ANKRD28: variants seen among roughly 807,000 people sequenced by gnomAD.
The protein encoded by ANKRD28 is serine/threonine-protein phosphatase 6 regulatory ankyrin repeat subunit A.
In ANKRD28, 44 loss-of-function variants were observed where a neutral mutation model predicts 126.5. The observed-to-expected ratio is 0.35, with a 90% confidence interval of 0.27 to 0.45. The LOEUF (loss-of-function observed/expected upper bound fraction) is 0.45, where lower values mean the gene tolerates loss of function less well. Ranked by LOEUF, ANKRD28 falls within the 20% of genes least tolerant of loss-of-function variation. The pLI, the probability that ANKRD28 is intolerant of heterozygous loss-of-function variation, is 1.00. For synonymous variants in ANKRD28, 442 were observed against 468.5 expected (o/e 0.94, Z 0.73); for missense variants, 1,110 against 1,316.6 (o/e 0.84, Z 2.43).
rs191800621 is a variant in ANKRD28 at position 15,695,146 on chromosome 3, T to A, written c.1686+42A>T. The A allele has an allele frequency of 1.6e-5, 23 of 1,482,548 alleles. No homozygotes were observed. The African/African-American group carries it at 2.3e-4, about 15-fold the overall frequency. The allele number at this position is 1,482,548 out of a possible 1,614,324, so 91.8% of individuals were successfully genotyped here. ...ATAAACATAACTGGTAGGAGGGAAC[T>A]GACCAATACTAATTGGTGGGAGGGA... is the stretch of plus-strand genomic sequence containing the variant. On this transcript the variant is annotated intron_variant, in intron 16 of 27. Coordinates refer to ENST00000683139, the MANE Select transcript of ANKRD28 (RefSeq NM_001349278.2).
Position 15,833,866 on chromosome 3 carries a change from G to A in ANKRD28, c.27+25511C>T, listed in dbSNP as rs1227795861. Among the ~76,000 whole-genome samples the A allele has an allele frequency of 6.6e-6, 1 of 151,940 alleles. No individual in the cohort carries two copies. The highest frequency in any genetic ancestry group is 1.5e-5 in the Non-Finnish European group (1 of 67,958). The stretch of plus-strand genomic sequence containing the variant: ...CTAATGATGTTGAGGATTTTTTCAT[G>A]TTTTTTGGCCACTTGTATGTCTTCT... On this transcript the variant is annotated intron_variant, in intron 1 of 27. Transcript: ENST00000399451. This position sits in a 1 kb window ranked among gnomAD's most constrained non-coding sequence, Gnocchi z 4.4.
rs1464876239 is a variant in ANKRD28, at chr3:15,819,498, C to T, written c.28-24192G>A. On this transcript the variant is annotated intron_variant, in intron 1 of 27. Transcript: ENST00000399451. Reference sequence around the variant, plus strand: ...ATTTGGAAAATGAGGGTAACTGATACTTGCTTATATAGTCATAAAATCTCT... The same window carrying T: ...ATTTGGAAAATGAGGGTAACTGATATTTGCTTATATAGTCATAAAATCTCT... Among the ~76,000 whole-genome samples the T allele has an allele frequency of 3.3e-5, 5 of 152,228 alleles. No individual in the cohort carries two copies. The South Asian group carries it at 6.2e-4, about 19-fold the overall frequency.
intron 12 of ANKRD28, 58 bp from the exon 13 acceptor site, chr3:15,709,794 G>C (rs1271598815): frequency 8.2e-7 from 1 of 1,213,628 alleles, no homozygotes; most frequent in African/African-American, 1.5e-5. Flanking sequence ...TAATGAAATT[G>C]GTAGGTTTAA....
intron 11 of ANKRD28, among the ~76,000 whole-genome samples, chr3:15,711,692 ATT>A (rs879312791): frequency 1.4e-5 from 2 of 144,978 alleles, no homozygotes; most frequent in Non-Finnish European, 1.5e-5. Context: ...GGTTTTCTGT[ATT>A]TTTTTTTTTT....
intron 8 of ANKRD28, among the ~76,000 whole-genome samples, chr3:15,718,469 C>A (rs909185041): frequency 8.5e-5 from 13 of 152,318 alleles, no homozygotes; most frequent in African/African-American, 3.1e-4. Flanking sequence ...GCATTTTACT[C>A]TAAGTGGGCC....
rs1050546876 is a variant in ANKRD28, at chr3:15,796,927, A to G, written c.-406T>C. The G allele has an allele frequency of 7.1e-6, 7 of 985,682 alleles. No homozygotes were observed. The highest frequency in any genetic ancestry group is 7.2e-6 in the Non-Finnish European group (6 of 830,194). The allele number at this position is 985,682 out of a possible 1,614,324, so 61.1% of individuals were successfully genotyped here. On this transcript the variant is annotated 5_prime_UTR_variant, in exon 1 of 28. Coordinates refer to ENST00000683139, the MANE Select transcript of ANKRD28 (RefSeq NM_001349278.2). ...GTGACACAACACCACACAATATAGA[A>G]TGAAATGAGAAACAACTGCTGTGAC...
intron 2 of ANKRD28, among the ~76,000 whole-genome samples, chr3:15,794,929 T>C (rs1438524133): frequency 6.6e-6 from 1 of 152,110 alleles, no homozygotes; most frequent in African/African-American, 2.4e-5. Context: ...TGTGGCAAAA[T>C]GTTATCAATG....
At chr3:15,765,077 TC>T (rs1430052158) in intron 3 of ANKRD28, among the ~76,000 whole-genome samples, 1 of 152,170 alleles carries the variant, frequency 6.6e-6, no homozygotes, top group African/African-American at 2.4e-5. Flanking sequence ...TAATCCAATT[TC>T]ATTATGCATG....
At chr3:15,787,841 T>G (rs1355295623) in intron 2 of ANKRD28, among the ~76,000 whole-genome samples, 1 of 152,228 alleles carries the variant, frequency 6.6e-6, no homozygotes, top group Non-Finnish European at 1.5e-5. Context: ...TGAACATCAT[T>G]TCAATGATTT....
In ANKRD28 at chr3:15,854,946, G is replaced by A. The variant is rs997054592; in HGVS notation, c.27+4431C>T. ...CGCCTGTAGTCCCAGCTACTAGGGAGGCTGAGGCAGGAGAATTGCTTGAAC... is the reference window on the plus strand; with the variant it reads ...CGCCTGTAGTCCCAGCTACTAGGGAAGCTGAGGCAGGAGAATTGCTTGAAC... On this transcript the variant is annotated intron_variant, in intron 1 of 27. Coordinates refer to the ANKRD28 transcript ENST00000399451. This position sits in a 1 kb window ranked among gnomAD's most constrained non-coding sequence, Gnocchi z 4.1. Among the ~76,000 whole-genome samples, 1 of 152,212 alleles carries A rather than the reference G, an allele frequency of 6.6e-6. No homozygotes were observed. The highest frequency in any genetic ancestry group is 2.4e-5 in the African/African-American group (1 of 41,458).
At chr3:15,690,437 T>C (rs1396228843) in intron 17 of ANKRD28, among the ~76,000 whole-genome samples, 3 of 152,214 alleles carry the variant, frequency 2.0e-5, no homozygotes, top group Non-Finnish European at 4.4e-5. Context: ...CTAAAAATAA[T>C]ACAAGTTCAA....
intron 3 of ANKRD28, among the ~76,000 whole-genome samples, chr3:15,760,892 C>T (rs11128754): frequency 0.14 from 20,869 of 152,124 alleles, 2,159 homozygotes; most frequent in East Asian, 0.58. Flanking sequence ...TGGTTTTCCA[C>T]ATCACTTAAA....
At chr3:15,700,438 A>G (rs2070392754) in intron 14 of ANKRD28, among the ~76,000 whole-genome samples, 1 of 150,748 alleles carries the variant, frequency 6.6e-6, no homozygotes, top group African/African-American at 2.4e-5. Context: ...CATGTACCCT[A>G]GAACTTAAAA....
At chr3:15,855,682 G>A (rs1342742051) in intron 1 of ANKRD28, among the ~76,000 whole-genome samples, 1 of 152,128 alleles carries the variant, frequency 6.6e-6, no homozygotes, top group East Asian at 1.9e-4. Flanking sequence ...GACACAAAAG[G>A]CCATATATTG....
chr3:15,707,228 G>A (rs567351120), intron 14 of ANKRD28, among the ~76,000 whole-genome samples: 15 of 149,582 alleles, frequency 1.0e-4, no homozygotes, highest in African/African-American at 3.2e-4. Context: ...AATCTTTTCT[G>A]TTTTCAATGA....
intron 21 of ANKRD28, among the ~76,000 whole-genome samples, chr3:15,680,011 T>C (rs2067370929): frequency 6.6e-6 from 1 of 152,088 alleles, no homozygotes; most frequent in Non-Finnish European, 1.5e-5. Context: ...ACTATCCCAT[T>C]TTCTATAAGG....
At chr3:15,692,129 G>A (rs2068881261) in intron 17 of ANKRD28, among the ~76,000 whole-genome samples, 1 of 131,868 alleles carries the variant, frequency 7.6e-6, no homozygotes, top group Admixed American at 9.1e-5. Flanking sequence ...GACAGAATGA[G>A]ATTGTATCTC....
At chr3:15,675,277 AAACAACAAC>A (rs550059526) in intron 27 of ANKRD28, among the ~76,000 whole-genome samples, 5 of 152,092 alleles carry the variant, frequency 3.3e-5, no homozygotes, top group African/African-American at 4.8e-5. Flanking sequence ...TCTCAAAAAC[AAACAACAAC>A]AACAACAACA....
chr3:15,857,324 G>A (rs1387059255), intron 1 of ANKRD28, among the ~76,000 whole-genome samples: 2 of 152,124 alleles, frequency 1.3e-5, no homozygotes, highest in East Asian at 1.9e-4. Context: ...TCGCTCTGTC[G>A]CCCAGGCTGG....
Sources: allele counts gnomAD v4.1 joint callset (sites outside exome capture counted in the v4.1 genomes callset), GRCh38; gene constraint gnomAD v4.1.1; non-coding constraint Gnocchi (gnomAD v3.1); transcripts MANE v1.5; gene names NCBI Gene and HGNC (gene_info 2026-07-23, HGNC 2026-07-21).